WDR3: variants seen among roughly 807,000 people sequenced by gnomAD.
WDR3 encodes the protein WD repeat domain 3.
In WDR3, 81 loss-of-function variants were observed where a neutral mutation model predicts 123.7. That is an observed-to-expected ratio of 0.65 (90% CI 0.55 to 0.79). WDR3 has a LOEUF of 0.79. Ranked by LOEUF, WDR3 falls within the 30% of genes least tolerant of loss-of-function variation. The pLI is 0.00. For synonymous variants in WDR3, 390 were observed against 388.8 expected (o/e 1.00, Z -0.04); for missense variants, 1,027 against 1,123.2 (o/e 0.91, Z 1.22).
chr1:117,954,912 C>A (rs1651946419), intron 23 of WDR3, among the ~76,000 whole-genome samples: 2 of 152,124 alleles, frequency 1.3e-5, no homozygotes, highest in South Asian at 2.1e-4. Flanking sequence ...TTCTGTTAAT[C>A]TAAATTAACT....
intron 3 of WDR3, among the ~76,000 whole-genome samples, chr1:117,935,500 G>A (rs1364287889): frequency 6.6e-6 from 1 of 151,940 alleles, no homozygotes; most frequent in Non-Finnish European, 1.5e-5. Context: ...GGAAATCTCA[G>A]AAACACATCC....
At position 117,963,926 on chromosome 1, in the gene WDR3, C is replaced by T. The variant is rs1195421227; in HGVS notation, c.*4479C>T. ...TTTTGGTCGTTTATCATAATTGCTG[C>T]TTGTTAAAACAGGTAAAATACTTGT... On this transcript the variant is annotated 3_prime_UTR_variant, in exon 27 of 27. Transcript: ENST00000349139. 1 of 1,613,594 alleles carries T rather than the reference C, an allele frequency of 6.2e-7. No individual in the cohort carries two copies. Among genetic ancestry groups the T allele is most frequent in the Non-Finnish European group, 8.5e-7 (1 of 1,179,796 alleles).
At chr1:117,944,845 G>GC (rs1651312975) in intron 11 of WDR3, among the ~76,000 whole-genome samples, 1 of 152,088 alleles carries the variant, frequency 6.6e-6, no homozygotes, top group Non-Finnish European at 1.5e-5. Flanking sequence ...GGGATTACAG[G>GC]CGTGTGCCAC....
At chr1:117,953,345 G>A in intron 20 of WDR3, 131 bp from the exon 21 acceptor site, 1 of 873,938 alleles carries the variant, frequency 1.1e-6, no homozygotes. Flanking sequence ...TTCTGTTACT[G>A]GTAGCTGATA....
At chr1:117,956,511 A>C (rs1024584828) in intron 24 of WDR3, among the ~76,000 whole-genome samples, 20 of 152,202 alleles carry the variant, frequency 1.3e-4, no homozygotes, top group Admixed American at 7.2e-4. Context: ...ACATTTCAAG[A>C]TAGGAAGATT....
At position 117,950,872 on chromosome 1, in the gene WDR3, A is replaced by G. The variant is rs756975968; in HGVS notation, c.1785A>G (p.Ile595Met). 6.2e-7 allele frequency: 1 copy of G among 1,609,422 alleles called. No homozygotes were observed. The highest frequency in any genetic ancestry group is 1.1e-5 in the South Asian group (1 of 90,062). The stretch of plus-strand genomic sequence containing the variant: ...TGTATGGACACAAACTGCCTGTTAT[A>G]TGCATGGACATCTCTCATGTAAGTA... ...LSLYGHKLPV[I>M]CMDISHDGAL... is the part of the protein sequence containing the mutation. Residue 595 changes from isoleucine to methionine, a missense_variant, in exon 16 of 27, where the codon ATA becomes ATG. By Grantham distance (10) the Ile-to-Met change is conservative (BLOSUM62 1). Coordinates refer to ENST00000349139, the MANE Select transcript of WDR3 (RefSeq NM_006784.3).
intron 3 of WDR3, 111 bp downstream of exon 3, chr1:117,934,793 A>G: frequency 2.9e-6 from 3 of 1,020,070 alleles, no homozygotes; most frequent in South Asian, 3.1e-5. Context: ...GTCAATATAC[A>G]AAGTAGTATA....
At chr1:117,933,007 C>T (rs1650787283) in intron 1 of WDR3, among the ~76,000 whole-genome samples, 1 of 146,080 alleles carries the variant, frequency 6.8e-6, no homozygotes, top group South Asian at 2.2e-4. Context: ...CGAGCCTGGC[C>T]AATATGGTGA....
rs1571022240 is a variant in WDR3 at position 117,952,513 on chromosome 1, T to C, written c.2017-15T>C. 7 of 1,597,398 alleles carry C rather than the reference T, an allele frequency of 4.4e-6. No homozygotes were observed. In the East Asian group the frequency reaches 1.6e-4, roughly 36 times the overall value. On this transcript the variant is annotated splice_polypyrimidine_tract_variant and intron_variant, in intron 18 of 26. Coordinates refer to ENST00000349139, the MANE Select transcript of WDR3 (RefSeq NM_006784.3). Reference sequence around the variant, plus strand: ...CAATGAATGAGGTATTCTTTATTTTTTTTTTCTCCTCCAGGGTCATCACCA... The same window carrying C: ...CAATGAATGAGGTATTCTTTATTTTCTTTTTCTCCTCCAGGGTCATCACCA...
chr1:117,933,895 A>G (rs1319615105), intron 2 of WDR3, among the ~76,000 whole-genome samples: 1 of 152,232 alleles, frequency 6.6e-6, no homozygotes, highest in Non-Finnish European at 1.5e-5. Flanking sequence ...AATATGGATA[A>G]TGCCCAAGTG....
At chr1:117,934,072 G>A (rs1371514738) in intron 2 of WDR3, among the ~76,000 whole-genome samples, 1 of 152,174 alleles carries the variant, frequency 6.6e-6, no homozygotes, top group Non-Finnish European at 1.5e-5. Flanking sequence ...TAAAACCACT[G>A]CAGTACTCTG....
rs535535227 is a variant in WDR3, at chr1:117,940,564, C to CA, written c.676-257dup. ...GCAATATGGCAAGAACCTGTCTCTA[C>CA]AAAAAATTTAAAAATTAGTCAAGCA... is the stretch of plus-strand genomic sequence containing the variant. On this transcript the variant is annotated intron_variant, in intron 6 of 26. Coordinates refer to ENST00000349139, the MANE Select transcript of WDR3 (RefSeq NM_006784.3). Among the ~76,000 whole-genome samples, 3 of 152,100 alleles carry CA rather than the reference C, an allele frequency of 2.0e-5. No individual in the cohort carries two copies. The South Asian group carries it at 6.2e-4, about 32-fold the overall frequency.
At chr1:117,946,940 CAAAAAA>C (rs55743091) in intron 12 of WDR3, among the ~76,000 whole-genome samples, 1 of 77,382 alleles carries the variant, frequency 1.3e-5, no homozygotes. Flanking sequence ...GACTCCATCT[CAAAAAA>C]AAAAAAAAAA....
intron 2 of WDR3, chr1:117,933,798 T>C (rs1420170432): frequency 2.9e-6 from 1 of 349,788 alleles, no homozygotes; most frequent in Admixed American, 4.2e-5. Flanking sequence ...CAATTCTATT[T>C]TTCAAGCTCG....
Position 117,961,957 on chromosome 1 carries a change from T to C in WDR3, c.*2510T>C, listed in dbSNP as rs1653157605. On this transcript the variant is annotated 3_prime_UTR_variant, in exon 27 of 27. Transcript: ENST00000349139. ...AGAACAGAAGTTGATTCAATATCCT[T>C]CTTAGAGTTGCTCATCAGAACATAA... 1 of 151,998 alleles carries C rather than the reference T, an allele frequency of 6.6e-6. No homozygotes were observed. The highest frequency in any genetic ancestry group is 2.1e-4 in the South Asian group (1 of 4,814). The allele number at this position is 151,998 out of a possible 1,614,324, so 9.4% of individuals were successfully genotyped here.
intron 13 of WDR3, among the ~76,000 whole-genome samples, chr1:117,949,202 G>A (rs1651513920): frequency 6.6e-6 from 1 of 152,082 alleles, no homozygotes; most frequent in Admixed American, 6.6e-5. Flanking sequence ...CATAAACTGT[G>A]TGGTCTTTTT....
rs757243661 is a variant in WDR3 at position 117,952,628 on chromosome 1, G to A, written c.2117G>A (p.Arg706Lys). The change falls in exon 19 of 27, where the codon AGG (arginine) becomes AAG (lysine). Residue 706 changes from arginine (R) to lysine (K), a missense_variant. Coordinates refer to ENST00000349139, the MANE Select transcript of WDR3 (RefSeq NM_006784.3). ...DKSLRLWERT[R>K]EPLILEEERE... ...TCTCTGAGACTTTGGGAGAGAACAA[G>A]GGAGCCTCTTATTCTTGAGGAAGAA... is the stretch of plus-strand genomic sequence containing the variant. 37 of 1,613,450 alleles carry A rather than the reference G, an allele frequency of 2.3e-5. No homozygotes were observed. The highest frequency in any genetic ancestry group is 3.1e-5 in the Non-Finnish European group (37 of 1,179,624).
intron 6 of WDR3, 75 bp downstream of exon 6, chr1:117,939,647 T>C: frequency 7.1e-7 from 1 of 1,411,376 alleles, no homozygotes; most frequent in Non-Finnish European, 1.0e-6. Context: ...TCAGATGTAA[T>C]TATTCAGTAC....
intron 22 of WDR3, 74 bp from the exon 23 acceptor site, chr1:117,954,506 T>C: frequency 3.6e-6 from 5 of 1,405,734 alleles, no homozygotes; most frequent in Non-Finnish European, 4.9e-6. Context: ...AAAATACAGT[T>C]ACCACTCTGT....
Sources: gnomAD v4.1 joint callset for allele counts (sites outside exome capture counted in the v4.1 genomes callset) on GRCh38, gnomAD v4.1.1 for gene constraint, MANE v1.5 for transcripts, NCBI Gene and HGNC (gene_info 2026-07-23, HGNC 2026-07-21) for gene names.